Variants in GPHN observed in about 807,000 individuals in gnomAD.
The protein encoded by GPHN is gephyrin.
In GPHN, 17 loss-of-function variants were observed where a neutral mutation model predicts 95.5. The observed-to-expected ratio is 0.18, with a 90% CI of 0.12 to 0.27. The LOEUF is 0.27. Ranked by LOEUF, GPHN falls within the 10% of genes least tolerant of loss-of-function variation. GPHN has a pLI of 1.00. For synonymous variants in GPHN, 320 were observed against 322.5 expected (o/e 0.99, Z 0.08); for missense variants, 660 against 978.1 (o/e 0.67, Z 4.34).
chr14:67,635,810 C>T, the GPHN span, among the ~76,000 whole-genome samples: 1 of 152,124 alleles, frequency 6.6e-6, no homozygotes, highest in Non-Finnish European at 1.5e-5. Flanking sequence ...CAAGATCACG[C>T]CACTTCACTC....
At chr14:67,036,540 C>CACACACAGAG (rs946760546) in intron 10 of GPHN, among the ~76,000 whole-genome samples, 1 of 148,338 alleles carries the variant, frequency 6.7e-6, no homozygotes, top group African/African-American at 2.5e-5. Flanking sequence ...CACACACACA[C>CACACACAGAG]AGAGAAACAC....
At chr14:66,932,458 T>G (rs868770924) in intron 8 of GPHN, among the ~76,000 whole-genome samples, 87 of 123,666 alleles carry the variant, frequency 7.0e-4, no homozygotes, top group African/African-American at 2.0e-3. Context: ...TTTTTTTTTT[T>G]TTTTTTTTTT....
chr14:66,866,520 G>A (rs908266451), intron 4 of GPHN, among the ~76,000 whole-genome samples: 2 of 152,134 alleles, frequency 1.3e-5, no homozygotes, highest in African/African-American at 2.4e-5. Context: ...TTAATTATCA[G>A]ATTAATGTTT....
chr14:66,655,973 TTATA>T (rs1306096385), intron 1 of GPHN, among the ~76,000 whole-genome samples: 1 of 152,160 alleles, frequency 6.6e-6, no homozygotes, highest in African/African-American at 2.4e-5. Flanking sequence ...ATAGTTCTTT[TTATA>T]TGTAATTCTG....
At chr14:67,090,880 C>A (rs1256495071) in intron 12 of GPHN, among the ~76,000 whole-genome samples, 1 of 151,648 alleles carries the variant, frequency 6.6e-6, no homozygotes, top group Non-Finnish European at 1.5e-5. Flanking sequence ...ACAATACTTA[C>A]CCCAGCAGGT....
In GPHN at chr14:66,776,532, G is replaced by A. The variant is rs369973620; in HGVS notation, c.201+11G>A. On this transcript the variant is annotated intron_variant, in intron 3 of 22. Coordinates refer to ENST00000478722, the MANE Select transcript of GPHN (RefSeq NM_020806.5). ...ATAGAAGAAATCAAGGTATAGTATG[G>A]CATTTTTCACCTCTACAAACATTTA... is the stretch of plus-strand genomic sequence containing the variant. 1.1e-4 allele frequency: 160 copies of A among 1,508,340 alleles called. No homozygotes were observed. Among genetic ancestry groups the A allele is most frequent in the Admixed American group, 1.3e-4 (8 of 59,634 alleles). The allele number at this position is 1,508,340 out of a possible 1,614,324, so 93.4% of individuals were successfully genotyped here.
the GPHN span, among the ~76,000 whole-genome samples, chr14:67,468,545 G>C: frequency 6.6e-6 from 1 of 152,188 alleles, no homozygotes; most frequent in Non-Finnish European, 1.5e-5. Flanking sequence ...ACCTAGTGTT[G>C]TTAGTGCCCT....
intron 10 of GPHN, among the ~76,000 whole-genome samples, chr14:67,038,148 A>AT (rs1366742507): frequency 6.6e-6 from 1 of 152,128 alleles, no homozygotes; most frequent in East Asian, 1.9e-4. Context: ...ATCCTGTCAT[A>AT]TGCTACAACA....
At chr14:67,440,737 T>TC in the GPHN span, among the ~76,000 whole-genome samples, 1 of 146,998 alleles carries the variant, frequency 6.8e-6, no homozygotes, top group Admixed American at 6.9e-5. Flanking sequence ...AAGTGGTTTT[T>TC]CCTGTCTCAG....
At chr14:67,389,054 A>C in the GPHN span, among the ~76,000 whole-genome samples, 1 of 151,786 alleles carries the variant, frequency 6.6e-6, no homozygotes, top group Non-Finnish European at 1.5e-5. Flanking sequence ...TGTGCCTAGC[A>C]AGAAACTTCG....
chr14:66,797,021 CTTTT>C (rs369681377), intron 3 of GPHN, among the ~76,000 whole-genome samples: 1 of 81,220 alleles, frequency 1.2e-5, no homozygotes, highest in African/African-American at 4.7e-5. Context: ...TATCTAGTTC[CTTTT>C]TTTTTTTTTT....
In GPHN at chr14:66,655,479, C is replaced by A. The variant is rs757518570; in HGVS notation, c.65-25628C>A. On this transcript the variant is annotated intron_variant, in intron 1 of 22. Transcript: ENST00000478722. ...GTATCTTGTGGCCTTGAAGAACTCC[C>A]TTATTCTAGGAGTTTTTTCTAGGTT... Among the ~76,000 whole-genome samples the A allele has an allele frequency of 2.9e-4, 44 of 151,950 alleles. 1 individual carries two copies. Among genetic ancestry groups the A allele is most frequent in the Admixed American group, 2.4e-3 (37 of 15,256 alleles).
chr14:67,049,400 T>C (rs911306939), intron 10 of GPHN, among the ~76,000 whole-genome samples: 7 of 147,500 alleles, frequency 4.7e-5, no homozygotes, highest in African/African-American at 1.8e-4. Flanking sequence ...GCTAATTTTT[T>C]TGTATTTTTA....
At chr14:67,726,329 G>A in the GPHN span, among the ~76,000 whole-genome samples, 3 of 152,182 alleles carry the variant, frequency 2.0e-5, no homozygotes, top group African/African-American at 7.2e-5. Context: ...GTCTAAAAAA[G>A]TGAGATCTTC....
the GPHN span, among the ~76,000 whole-genome samples, chr14:67,654,288 A>G: frequency 6.7e-6 from 1 of 149,128 alleles, no homozygotes; most frequent in East Asian, 2.0e-4. Context: ...GATTTTTAGT[A>G]GAGATGAGGT....
the GPHN span, among the ~76,000 whole-genome samples, chr14:67,640,786 A>C: frequency 6.6e-6 from 1 of 152,298 alleles, no homozygotes; most frequent in Non-Finnish European, 1.5e-5. Context: ...AGGTGGGGAA[A>C]TATTCAAAGC....
chr14:67,396,143 GTTTTGTT>G, the GPHN span, among the ~76,000 whole-genome samples: 2 of 151,130 alleles, frequency 1.3e-5, no homozygotes, highest in South Asian at 2.1e-4. Context: ...TTTTTGTTTT[GTTTTGTT>G]TTTTGTTTTT....
At chr14:66,603,407 C>T (rs575599115) in intron 1 of GPHN, among the ~76,000 whole-genome samples, 34 of 151,788 alleles carry the variant, frequency 2.2e-4, no homozygotes, top group Non-Finnish European at 4.1e-4. Flanking sequence ...TTGCTTTTTT[C>T]AACTTTGTGA....
chr14:67,411,169 G>C, the GPHN span, among the ~76,000 whole-genome samples: 1 of 149,348 alleles, frequency 6.7e-6, no homozygotes, highest in Admixed American at 6.7e-5. Context: ...GGTCAAATCA[G>C]GAAAAAATTT....
Sources: allele counts gnomAD v4.1 joint callset (sites outside exome capture counted in the v4.1 genomes callset), GRCh38; gene constraint gnomAD v4.1.1; transcripts MANE v1.5; gene names NCBI Gene and HGNC (gene_info 2026-07-23, HGNC 2026-07-21).